The following INPP5A variants were observed in gnomAD, a reference collection of about 807,000 sequenced individuals.
The protein encoded by INPP5A is 43 kDa inositol polyphosphate 5-phophatase.
Under a neutral mutation model 65.2 loss-of-function variants are expected in INPP5A, and 14 were observed. The observed-to-expected ratio is 0.21, with a 90% CI of 0.14 to 0.34. INPP5A has a LOEUF of 0.34. INPP5A is among the 10% of genes least tolerant of loss of function. The pLI is 1.00. For missense variants in INPP5A, 431 were observed against 545.6 expected (o/e 0.79, Z 2.09); for synonymous variants, 207 against 208.3 (o/e 0.99, Z 0.05).
chr10:132,758,912 C>A (rs988110967), intron 11 of INPP5A, among the ~76,000 whole-genome samples: 52 of 152,320 alleles, frequency 3.4e-4, no homozygotes, highest in Middle Eastern at 3.4e-3. Context: ...GGATTCAGAC[C>A]CGCGTTCCTC....
In INPP5A at chr10:132,756,867, G is replaced by T. The variant is rs557395615; in HGVS notation, c.903+7022G>T. 1.1e-3 allele frequency among the ~76,000 whole-genome samples: 170 copies of T among 152,388 alleles called. 1 individual carries two copies. The highest frequency in any genetic ancestry group is 3.9e-3 in the African/African-American group (164 of 41,590). On this transcript the variant is annotated intron_variant, in intron 11 of 15. Transcript: ENST00000368594. ...CTTTCCGTGGGACGCAGAGGCGGCA[G>T]AGAGGAACGTCGATGATCCTGACCC... is the stretch of plus-strand genomic sequence containing the variant.
intron 6 of INPP5A, among the ~76,000 whole-genome samples, chr10:132,702,691 G>A (rs544029355): frequency 1.3e-5 from 2 of 152,322 alleles, no homozygotes; most frequent in South Asian, 2.1e-4. Flanking sequence ...GGCAGTGCCC[G>A]GGCACAGCTC....
At chr10:132,690,548 A>G in intron 5 of INPP5A, 93 bp downstream of exon 5, 1 of 930,086 alleles carries the variant, frequency 1.1e-6, no homozygotes, top group South Asian at 1.4e-5. Flanking sequence ...TGTCTCTGTG[A>G]GTGGCCACTG....
In INPP5A at chr10:132,613,881, G is replaced by A. The variant is rs1007626050; in HGVS notation, c.117+5925G>A. Among the ~76,000 whole-genome samples the A allele has an allele frequency of 5.9e-5, 9 of 152,228 alleles. No individual in the cohort carries two copies. In the South Asian group the frequency reaches 1.9e-3, roughly 31 times the overall value. On this transcript the variant is annotated intron_variant, in intron 2 of 15. Transcript: ENST00000368594. ...CACTGGGCCTCTGACTGTTTCGGGT[G>A]TTTTTAAATCCTAGAGTTTCCATTA...
rs1846755669 is a variant in INPP5A, at chr10:132,762,688, T to C, written c.904-3085T>C. Reference sequence around the variant, plus strand: ...GTAGGCTGAGGCGAGCTGCTTTTTGTGGACTCATGCATGGCGGTAATATAG... The same window carrying C: ...GTAGGCTGAGGCGAGCTGCTTTTTGCGGACTCATGCATGGCGGTAATATAG... On this transcript the variant is annotated intron_variant, in intron 11 of 15. Coordinates refer to ENST00000368594, the MANE Select transcript of INPP5A (RefSeq NM_005539.5). This position sits in a 1 kb window ranked among gnomAD's most constrained non-coding sequence, Gnocchi z 4.6. Among the ~76,000 whole-genome samples, 1 of 152,110 alleles carries C rather than the reference T, an allele frequency of 6.6e-6. No homozygotes were observed. Among genetic ancestry groups the C allele is most frequent in the Non-Finnish European group, 1.5e-5 (1 of 68,030 alleles).
intron 1 of INPP5A, among the ~76,000 whole-genome samples, chr10:132,591,935 C>T (rs1228269432): frequency 1.3e-5 from 2 of 152,106 alleles, no homozygotes; most frequent in African/African-American, 2.4e-5. Context: ...AGGAAAGAGC[C>T]GGCTCTGGGA....
chr10:132,689,431 T>C (rs1410213616), intron 4 of INPP5A, among the ~76,000 whole-genome samples: 1 of 152,212 alleles, frequency 6.6e-6, no homozygotes, highest in Non-Finnish European at 1.5e-5. Flanking sequence ...CACAGCTATC[T>C]CCTATGAGAT....
intron 11 of INPP5A, among the ~76,000 whole-genome samples, chr10:132,764,946 A>T (rs1305891228): frequency 8.0e-6 from 1 of 124,432 alleles, no homozygotes; most frequent in African/African-American, 3.2e-5. Flanking sequence ...GCGTGGTGAC[A>T]CTCAGGAACA....
At chr10:132,781,661 C>T (rs954704308) in intron 14 of INPP5A, among the ~76,000 whole-genome samples, 200 bp from the exon 15 acceptor site, 1 of 152,242 alleles carries the variant, frequency 6.6e-6, no homozygotes, top group African/African-American at 2.4e-5. Flanking sequence ...TCCAGTTCCA[C>T]ATTCACGGGG....
chr10:132,713,115 T>G (rs1318089563), intron 8 of INPP5A, among the ~76,000 whole-genome samples: 2 of 151,536 alleles, frequency 1.3e-5, no homozygotes, highest in Non-Finnish European at 1.5e-5. Flanking sequence ...TGTGGGTATG[T>G]GTGCATGCAG....
rs879110184 is a variant in INPP5A at position 132,719,617 on chromosome 10, G to A, written c.648-7204G>A. On this transcript the variant is annotated intron_variant, in intron 8 of 15. Coordinates refer to ENST00000368594, the MANE Select transcript of INPP5A (RefSeq NM_005539.5). ...TGGTGCCTGGGTTCTTTCTGGAGGC[G>A]CCTTAGACAGCTGTCTTGCGGGTTC... 3.0e-4 allele frequency among the ~76,000 whole-genome samples: 40 copies of A among 131,836 alleles called. 1 individual carries two copies. The highest frequency in any genetic ancestry group is 6.4e-4 in the African/African-American group (20 of 31,130). The allele number at this position is 131,836 out of a possible 152,430, so 86.5% of individuals were successfully genotyped here.
At chr10:132,632,612 C>T (rs1158608724) in intron 2 of INPP5A, among the ~76,000 whole-genome samples, 1 of 152,232 alleles carries the variant, frequency 6.6e-6, no homozygotes, top group Non-Finnish European at 1.5e-5. Context: ...ACCACCACTG[C>T]ACCCCGCCCA....
At position 132,703,633 on chromosome 10, in the gene INPP5A, C is replaced by T. The variant is rs573920802; in HGVS notation, c.475-4680C>T. On this transcript the variant is annotated intron_variant, in intron 6 of 15. Coordinates refer to ENST00000368594, the MANE Select transcript of INPP5A (RefSeq NM_005539.5). ...CGCACAGCTTCTGCCCCCCAACACA[C>T]GCGCACCTTCATCCCCGCACACCCC... 2.3e-3 allele frequency among the ~76,000 whole-genome samples: 295 copies of T among 128,678 alleles called. 2 individuals carry two copies. The highest frequency in any genetic ancestry group is 8.4e-3 in the African/African-American group (281 of 33,468). 84.4% of individuals were successfully genotyped at this position (128,678 alleles called of 152,430 possible). A position where few individuals can be genotyped will look rare whatever the true frequency, so the allele number is the denominator to read the frequency against.
At chr10:132,601,158 A>G (rs1277368385) in intron 1 of INPP5A, among the ~76,000 whole-genome samples, 1 of 152,180 alleles carries the variant, frequency 6.6e-6, no homozygotes, top group Non-Finnish European at 1.5e-5. Flanking sequence ...TTCTCTTTTC[A>G]ATTTTAATGT....
intron 12 of INPP5A, among the ~76,000 whole-genome samples, chr10:132,771,495 C>T (rs908558415): frequency 2.6e-5 from 4 of 152,244 alleles, no homozygotes; most frequent in Admixed American, 6.5e-5. Context: ...TTAGTGTGCT[C>T]GTCAATGTAG....
intron 2 of INPP5A, among the ~76,000 whole-genome samples, chr10:132,617,723 A>G (rs1166172690): frequency 2.0e-5 from 3 of 152,242 alleles, no homozygotes; most frequent in African/African-American, 7.2e-5. Flanking sequence ...ACTGCCTGCC[A>G]CACAGAAGTC....
At chr10:132,779,844 G>A (rs565888838) in intron 13 of INPP5A, among the ~76,000 whole-genome samples, 18 of 152,380 alleles carry the variant, frequency 1.2e-4, no homozygotes, top group Middle Eastern at 3.4e-3. Flanking sequence ...CTCGGGACGC[G>A]GGCGGTGCTG....
intron 4 of INPP5A, among the ~76,000 whole-genome samples, chr10:132,669,709 C>T (rs971287898): frequency 3.3e-5 from 5 of 152,152 alleles, no homozygotes; most frequent in East Asian, 3.9e-4. Context: ...GCAGAGAGGG[C>T]GGGCGCGGTT....
chr10:132,615,186 G>A (rs546896205), intron 2 of INPP5A, among the ~76,000 whole-genome samples: 4 of 152,344 alleles, frequency 2.6e-5, no homozygotes, highest in South Asian at 4.1e-4. Flanking sequence ...TCCACGTCTC[G>A]AGTTGCTCTG....
Sources: allele counts gnomAD v4.1 joint callset (sites outside exome capture counted in the v4.1 genomes callset), GRCh38; gene constraint gnomAD v4.1.1; non-coding constraint Gnocchi (gnomAD v3.1); transcripts MANE v1.5; gene names NCBI Gene and HGNC (gene_info 2026-07-23, HGNC 2026-07-21).